The following TRIM61 variants were observed in gnomAD, a reference collection of about 807,000 sequenced individuals.
TRIM61 encodes tripartite motif containing 61, also known as putative tripartite motif-containing protein 61.
Under a neutral mutation model 14.2 loss-of-function variants are expected in TRIM61, and 1 was observed. The observed-to-expected ratio is 0.07, with a 90% CI of 0.03 to 0.33. TRIM61 has a LOEUF of 0.33. TRIM61 is among the 10% of genes least tolerant of loss of function. TRIM61 has a pLI of 0.99. For missense variants in TRIM61, 19 were observed against 202.2 expected (o/e 0.09, Z 5.49); for synonymous variants, 8 against 71.6 (o/e 0.11, Z 4.49).
intron 2 of TRIM61, among the ~76,000 whole-genome samples, chr4:164,975,034 A>G (rs1050605526): frequency 1.3e-5 from 2 of 152,060 alleles, no homozygotes; most frequent in Admixed American, 6.6e-5. Context: ...AGTGTTCGAG[A>G]CCAGCCTGGA....
chr4:164,961,169 AAAAAAAAAAAAAAAAAAAAAAAAAG>A (rs1338546451), intron 3 of TRIM61, among the ~76,000 whole-genome samples: 1 of 91,266 alleles, frequency 1.1e-5, no homozygotes, highest in East Asian at 1.3e-3. Context: ...AAAAAAAAAA[AAAAAAAAAAAAAAAAAAAAAAAAAG>A]AAAGAAAAAT....
At chr4:164,965,286 TC>T (rs915506565) in intron 3 of TRIM61, among the ~76,000 whole-genome samples, 2 of 9,396 alleles carry the variant, frequency 2.1e-4, no homozygotes, top group Non-Finnish European at 1.9e-4. Context: ...AGCCTCCATC[TC>T]AAAAAAAGAC....
At chr4:164,956,487 C>T (rs555821910) in intron 3 of TRIM61, among the ~76,000 whole-genome samples, 1 of 152,276 alleles carries the variant, frequency 6.6e-6, no homozygotes, top group South Asian at 2.1e-4. Flanking sequence ...ATCTTTATAA[C>T]CCCAGCAACT....
chr4:164,968,163 GAA>G (rs1732281333), intron 3 of TRIM61, 116 bp downstream of exon 3: 2 of 983,756 alleles, frequency 2.0e-6, no homozygotes, highest in South Asian at 4.7e-5. Context: ...GGGAGAAGAG[GAA>G]AAAGAAAAGA....
At chr4:164,959,044 A>G (rs1231670599) in intron 3 of TRIM61, 3 of 167,084 alleles carry the variant, frequency 1.8e-5, no homozygotes, top group Admixed American at 6.5e-5. Context: ...TTCACAGCTG[A>G]GCCACTTAGG....
At chr4:164,960,326 C>T (rs555522487) in intron 3 of TRIM61, among the ~76,000 whole-genome samples, 21 of 151,884 alleles carry the variant, frequency 1.4e-4, no homozygotes, top group African/African-American at 4.1e-4. Context: ...GGGTGGATCA[C>T]GAGGTCAGGA....
chr4:164,966,913 C>T (rs1056616633), intron 3 of TRIM61, among the ~76,000 whole-genome samples: 3 of 151,302 alleles, frequency 2.0e-5, no homozygotes, highest in African/African-American at 7.3e-5. Context: ...GGTGACAGAG[C>T]GAGACTCTAT....
At chr4:164,956,685 T>A (rs1731996393) in intron 3 of TRIM61, among the ~76,000 whole-genome samples, 1 of 152,210 alleles carries the variant, frequency 6.6e-6, no homozygotes, top group Admixed American at 6.5e-5. Flanking sequence ...TAAGATTCAA[T>A]AAATTAAAAC....
At chr4:164,975,225 C>A (rs1165744387) in intron 2 of TRIM61, among the ~76,000 whole-genome samples, 1 of 148,252 alleles carries the variant, frequency 6.7e-6, no homozygotes, top group Non-Finnish European at 1.5e-5. Context: ...AGGAAAACTC[C>A]ATCTTAAAAA....
Position 164,960,584 on chromosome 4 carries a change from G to GT in TRIM61, c.526-5489dup, listed in dbSNP as rs1196363027. Reference sequence around the variant, plus strand: ...AAAAAAAAAGGAAAAAAAATTTCCTGTTATGTAAACTACCCAGTTTGTGAT... The same window carrying GT: ...AAAAAAAAAGGAAAAAAAATTTCCTGTTTATGTAAACTACCCAGTTTGTGAT... On this transcript the variant is annotated intron_variant, in intron 3 of 4. Coordinates refer to ENST00000329314, the MANE Select transcript of TRIM61 (RefSeq NM_001012414.3). 1.9e-3 allele frequency among the ~76,000 whole-genome samples: 291 copies of GT among 151,100 alleles called. 1 individual carries two copies. The highest frequency in any genetic ancestry group is 6.7e-3 in the African/African-American group (277 of 41,242).
rs200797852 is a variant in TRIM61, at chr4:164,955,099, CA to C, written c.526-4del. 0.052 allele frequency: 4,475 copies of C among 86,090 alleles called. 36 individuals carry two copies. The highest frequency in any genetic ancestry group is 0.059 in the African/African-American group (1,311 of 22,126). 5.3% of individuals were successfully genotyped at this position (86,090 alleles called of 1,614,324 possible). ...CTGGTGACAGAAGGAGACTCCATCT[CA>C]AAAAAAAAAAAAAAAAAAATTATTA... On this transcript the variant is annotated splice_polypyrimidine_tract_variant and splice_region_variant and intron_variant, in intron 3 of 4. Coordinates refer to ENST00000329314, the MANE Select transcript of TRIM61 (RefSeq NM_001012414.3).
intron 3 of TRIM61, among the ~76,000 whole-genome samples, chr4:164,956,306 T>C (rs948646885): frequency 2.0e-5 from 3 of 152,200 alleles, no homozygotes; most frequent in Non-Finnish European, 4.4e-5. Context: ...GCTCATGTGA[T>C]CCGCCCACCT....
At chr4:164,968,844 A>G in intron 3 of TRIM61, 2 of 986,474 alleles carry the variant, frequency 2.0e-6, no homozygotes, top group Non-Finnish European at 2.4e-6. Flanking sequence ...CAAATTCCCC[A>G]TAATCCATCC....
intron 2 of TRIM61, among the ~76,000 whole-genome samples, chr4:164,973,849 TAG>T (rs1439269377): frequency 6.6e-6 from 1 of 152,224 alleles, no homozygotes; most frequent in Admixed American, 6.5e-5. Flanking sequence ...CATACATATA[TAG>T]AGATAACCTA....
chr4:164,968,985 G>C (rs1388137009), intron 3 of TRIM61: 3 of 1,028,956 alleles, frequency 2.9e-6, no homozygotes, highest in South Asian at 3.7e-5. Flanking sequence ...TTAGAACCCA[G>C]AACAGCTGGG....
chr4:164,961,018 T>C (rs1732118547), intron 3 of TRIM61, among the ~76,000 whole-genome samples: 1 of 151,180 alleles, frequency 6.6e-6, no homozygotes, highest in African/African-American at 2.4e-5. Flanking sequence ...GTCTGGTTTT[T>C]ACAAAAGAAA....
intron 2 of TRIM61, among the ~76,000 whole-genome samples, chr4:164,972,171 T>C (rs746724503): frequency 2.0e-5 from 3 of 152,244 alleles, no homozygotes; most frequent in Non-Finnish European, 4.4e-5. Flanking sequence ...ACTAACATTA[T>C]TGAGAGGACA....
chr4:164,971,726 G>T (rs1732371390), intron 2 of TRIM61, among the ~76,000 whole-genome samples: 1 of 152,056 alleles, frequency 6.6e-6, no homozygotes, highest in South Asian at 2.1e-4. Context: ...CAAAACAAAA[G>T]TGAGGCAGAA....
At chr4:164,957,724 A>G (rs1295481873) in intron 3 of TRIM61, 4 of 556,554 alleles carry the variant, frequency 7.2e-6, no homozygotes, top group Non-Finnish European at 1.3e-5. Context: ...ACCTGAAAAT[A>G]TAAAGAATAG....
Sources: allele counts gnomAD v4.1 joint callset (sites outside exome capture counted in the v4.1 genomes callset), GRCh38; gene constraint gnomAD v4.1.1; transcripts MANE v1.5; gene names NCBI Gene and HGNC (gene_info 2026-07-23, HGNC 2026-07-21).